Variants in TBC1D31 observed in about 807,000 individuals in gnomAD.
TBC1D31 encodes WD repeat domain 67.
Under a neutral mutation model 132.9 loss-of-function variants are expected in TBC1D31, and 99 were observed. That is an observed-to-expected ratio of 0.74 (90% CI 0.63 to 0.88). The LOEUF (loss-of-function observed/expected upper bound fraction) is 0.88. Ranked by LOEUF, TBC1D31 falls within the 40% of genes least tolerant of loss-of-function variation. The pLI, the probability that TBC1D31 is intolerant of heterozygous loss-of-function variation, is 0.00. For missense variants in TBC1D31, 1,134 were observed against 1,256.6 expected (o/e 0.90, Z 1.48); for synonymous variants, 385 against 419.4 (o/e 0.92, Z 1.00).
chr8:123,154,476 G>A (rs1016233153), downstream of TBC1D31, among the ~76,000 whole-genome samples: 1 of 152,202 alleles, frequency 6.6e-6, no homozygotes, highest in Non-Finnish European at 1.5e-5. Flanking sequence ...GCCAGGGGTA[G>A]TCCATGTCCC....
intron 7 of TBC1D31, chr8:123,103,384 G>C (rs1251523034): frequency 2.0e-5 from 3 of 151,488 alleles, no homozygotes; most frequent in Non-Finnish European, 4.4e-5. Context: ...AGAGTTTTCA[G>C]CCTGCTGAAT....
chr8:123,080,693 C>T (rs1237243186), intron 2 of TBC1D31, among the ~76,000 whole-genome samples: 3 of 151,858 alleles, frequency 2.0e-5, no homozygotes, highest in Non-Finnish European at 2.9e-5. Context: ...TGTGCCACCA[C>T]GCCCAGCTAA....
At chr8:123,075,927 A>G (rs949443082) in intron 1 of TBC1D31, among the ~76,000 whole-genome samples, 2 of 152,200 alleles carry the variant, frequency 1.3e-5, no homozygotes, top group Admixed American at 1.3e-4. Flanking sequence ...CAAAAAGGGT[A>G]ACTTTAAACA....
the TBC1D31 span, among the ~76,000 whole-genome samples, chr8:123,163,444 A>C: frequency 7.3e-6 from 1 of 137,074 alleles, no homozygotes; most frequent in African/African-American, 2.8e-5. Flanking sequence ...AGCTCACTGC[A>C]ACCTCCACCT....
chr8:123,140,010 G>C (rs549850696), intron 17 of TBC1D31, among the ~76,000 whole-genome samples: 1 of 152,096 alleles, frequency 6.6e-6, no homozygotes, highest in African/African-American at 2.4e-5. Context: ...AAGGATCTCC[G>C]TCCAACCCCC....
At chr8:123,103,944 T>A (rs1817685366) in intron 7 of TBC1D31, 1 of 152,214 alleles carries the variant, frequency 6.6e-6, no homozygotes, top group Non-Finnish European at 1.5e-5. Flanking sequence ...AATTCTATAT[T>A]CTCTATAAAT....
chr8:123,154,693 C>T (rs781743561), downstream of TBC1D31, among the ~76,000 whole-genome samples: 2 of 152,116 alleles, frequency 1.3e-5, no homozygotes, highest in Non-Finnish European at 2.9e-5. Context: ...GCATGAGACC[C>T]GGAACATGCC....
intron 11 of TBC1D31, among the ~76,000 whole-genome samples, chr8:123,125,533 A>T (rs1186117389): frequency 6.6e-6 from 1 of 152,184 alleles, no homozygotes; most frequent in East Asian, 1.9e-4. Flanking sequence ...GAATGAGGAC[A>T]TTTTTATTGT....
the TBC1D31 span, among the ~76,000 whole-genome samples, chr8:123,164,005 C>T: frequency 0.14 from 21,681 of 152,118 alleles, 1,750 homozygotes; most frequent in South Asian, 0.19. Flanking sequence ...ATCTATTTTC[C>T]ATCTCTATGT....
intron 10 of TBC1D31, among the ~76,000 whole-genome samples, chr8:123,117,409 T>C (rs953802154): frequency 2.0e-5 from 3 of 151,888 alleles, no homozygotes; most frequent in African/African-American, 7.3e-5. Flanking sequence ...AAATAGTAAT[T>C]TTGTAGTAGA....
intron 10 of TBC1D31, among the ~76,000 whole-genome samples, chr8:123,111,200 T>G (rs1346156679): frequency 6.6e-6 from 1 of 152,168 alleles, no homozygotes; most frequent in East Asian, 1.9e-4. Context: ...GCTGTCTCTC[T>G]TTTCGTGATG....
chr8:123,092,902 C>T (rs1429301136), intron 4 of TBC1D31, among the ~76,000 whole-genome samples: 2 of 150,810 alleles, frequency 1.3e-5, no homozygotes, highest in African/African-American at 4.9e-5. Flanking sequence ...ACCTCCACCT[C>T]CCAGGTTCAA....
At chr8:123,160,641 C>T in the TBC1D31 span, among the ~76,000 whole-genome samples, 1 of 152,122 alleles carries the variant, frequency 6.6e-6, no homozygotes, top group African/African-American at 2.4e-5. Flanking sequence ...CGCCGCTGCC[C>T]CGCAGGTTTC....
chr8:123,113,715 A>AC (rs1230294205), intron 10 of TBC1D31, among the ~76,000 whole-genome samples: 201 of 152,156 alleles, frequency 1.3e-3, no homozygotes, highest in African/African-American at 4.7e-3. Flanking sequence ...ACTTTAAATT[A>AC]TAATCCTAGT....
chr8:123,162,746 G>A, the TBC1D31 span, among the ~76,000 whole-genome samples: 1 of 152,218 alleles, frequency 6.6e-6, no homozygotes, highest in Non-Finnish European at 1.5e-5. Flanking sequence ...ATACAGCCAT[G>A]CTGTATTAGT....
intron 10 of TBC1D31, among the ~76,000 whole-genome samples, chr8:123,111,785 A>T (rs1420797622): frequency 2.6e-5 from 4 of 152,158 alleles, no homozygotes; most frequent in Non-Finnish European, 5.9e-5. Flanking sequence ...AGTCCAAAAT[A>T]TCTTTTATAG....
intron 10 of TBC1D31, among the ~76,000 whole-genome samples, chr8:123,112,218 T>C (rs1389214092): frequency 6.6e-6 from 1 of 152,234 alleles, no homozygotes; most frequent in African/African-American, 2.4e-5. Context: ...CATATGATAA[T>C]GCCACTAGCT....
At chr8:123,130,548 G>C (rs766108123) in intron 16 of TBC1D31, among the ~76,000 whole-genome samples, 1 of 151,776 alleles carries the variant, frequency 6.6e-6, no homozygotes, top group African/African-American at 2.4e-5. Context: ...TTAGTCAAGT[G>C]TCCTTGGTGA....
At chr8:123,160,450 GGGA>G in the TBC1D31 span, among the ~76,000 whole-genome samples, 1 of 115,482 alleles carries the variant, frequency 8.7e-6, no homozygotes, top group East Asian at 2.6e-4. Flanking sequence ...AGGGAAGTTG[GGGA>G]GGAGAAGGAG....
Sources: allele counts gnomAD v4.1 joint callset (sites outside exome capture counted in the v4.1 genomes callset), GRCh38; gene constraint gnomAD v4.1.1; transcripts MANE v1.5; gene names NCBI Gene and HGNC (gene_info 2026-07-23, HGNC 2026-07-21).